ASIC2: variants seen among roughly 807,000 people sequenced by gnomAD.
ASIC2 encodes the protein acid sensing ion channel subunit 2.
In ASIC2, 25 loss-of-function variants were observed where a neutral mutation model predicts 57.3. The ratio of observed to expected loss-of-function variants is 0.44; its 90% confidence interval spans 0.32 to 0.61. The LOEUF (loss-of-function observed/expected upper bound fraction) is 0.61. Ranked by LOEUF, ASIC2 falls within the 20% of genes least tolerant of loss-of-function variation. The pLI, the probability that ASIC2 is intolerant of heterozygous loss-of-function variation, is 0.06. For synonymous variants in ASIC2, 319 were observed against 307.5 expected (o/e 1.04, Z -0.39); for missense variants, 641 against 738.1 (o/e 0.87, Z 1.52).
intron 1 of ASIC2, among the ~76,000 whole-genome samples, chr17:33,393,912 C>T (rs146063463): frequency 2.4e-4 from 36 of 152,340 alleles, no homozygotes; most frequent in African/African-American, 7.2e-4. Flanking sequence ...TCAATTTAAA[C>T]TCCAACACTT....
At chr17:33,096,258 C>T (rs2092178972) in intron 2 of ASIC2, among the ~76,000 whole-genome samples, 1 of 152,186 alleles carries the variant, frequency 6.6e-6, no homozygotes, top group Admixed American at 6.5e-5. Flanking sequence ...AGGACAAGAC[C>T]CAGAGCTGGA....
chr17:33,098,199 T>A (rs1358277706), intron 2 of ASIC2, among the ~76,000 whole-genome samples: 1 of 152,074 alleles, frequency 6.6e-6, no homozygotes, highest in Non-Finnish European at 1.5e-5. Context: ...CTCATTTTAA[T>A]CTCCTGCAAA....
At chr17:33,373,424 T>C (rs573493960) in intron 1 of ASIC2, among the ~76,000 whole-genome samples, 7 of 152,352 alleles carry the variant, frequency 4.6e-5, no homozygotes, top group African/African-American at 1.7e-4. Flanking sequence ...GTTTAACTTA[T>C]AGTTAAACAA....
At chr17:33,652,706 A>G (rs1906956316) in intron 1 of ASIC2, among the ~76,000 whole-genome samples, 1 of 152,194 alleles carries the variant, frequency 6.6e-6, no homozygotes, top group Non-Finnish European at 1.5e-5. Flanking sequence ...CCAAGTTGCA[A>G]TACAGATGGG....
chr17:33,818,979 T>C (rs2141891625), intron 1 of ASIC2, among the ~76,000 whole-genome samples: 1 of 152,360 alleles, frequency 6.6e-6, no homozygotes, highest in Admixed American at 6.5e-5. Flanking sequence ...TGGGGTCTAC[T>C]GGGCTAAGCT....
chr17:33,138,269 T>C (rs559137953), intron 1 of ASIC2, among the ~76,000 whole-genome samples: 16 of 152,216 alleles, frequency 1.1e-4, no homozygotes, highest in African/African-American at 3.9e-4. Context: ...AGCCACTGCT[T>C]CAGGAGTTGT....
intron 1 of ASIC2, among the ~76,000 whole-genome samples, chr17:33,154,290 C>T (rs1181668005): frequency 2.6e-5 from 4 of 152,200 alleles, no homozygotes; most frequent in Non-Finnish European, 5.9e-5. Flanking sequence ...CTCAAGAATC[C>T]TCCTGCCTCA....
chr17:33,113,317 T>A (rs1306225725), intron 1 of ASIC2, among the ~76,000 whole-genome samples: 1 of 152,186 alleles, frequency 6.6e-6, no homozygotes, highest in African/African-American at 2.4e-5. Flanking sequence ...TCAAATGAGG[T>A]AATGCATGCA....
At chr17:33,384,796 T>G (rs182176223) in intron 1 of ASIC2, among the ~76,000 whole-genome samples, 27 of 152,332 alleles carry the variant, frequency 1.8e-4, no homozygotes, top group Admixed American at 3.9e-4. Flanking sequence ...CCCTAGAACA[T>G]GAGCCCAAGT....
chr17:33,136,978 G>A (rs972994295), intron 1 of ASIC2, among the ~76,000 whole-genome samples: 1 of 152,208 alleles, frequency 6.6e-6, no homozygotes, highest in African/African-American at 2.4e-5. Flanking sequence ...TAAAGAAAGT[G>A]TAATAATCCT....
At chr17:33,531,937 G>A (rs1052081148) in intron 1 of ASIC2, among the ~76,000 whole-genome samples, 5 of 152,200 alleles carry the variant, frequency 3.3e-5, no homozygotes, top group African/African-American at 1.2e-4. Flanking sequence ...ACATGGAAAG[G>A]GAAAAGGTAT....
At chr17:34,027,561 A>G (rs1456723312) in intron 1 of ASIC2, among the ~76,000 whole-genome samples, 1 of 152,250 alleles carries the variant, frequency 6.6e-6, no homozygotes, top group Non-Finnish European at 1.5e-5. Context: ...CCTAAGAAGT[A>G]GTTGCATACT....
In ASIC2 at chr17:33,777,538, T is replaced by C. The variant is rs374483046; in HGVS notation, c.555+378440A>G. On this transcript the variant is annotated intron_variant, in intron 1 of 9. Coordinates refer to the ASIC2 transcript ENST00000359872. The stretch of plus-strand genomic sequence containing the variant: ...CCACCAACCCACCATGACACATCTG[T>C]TTGAACAACTGGGCTGCAGACTGAG... 1.3e-4 allele frequency among the ~76,000 whole-genome samples: 20 copies of C among 151,554 alleles called. 1 individual carries two copies. The East Asian group carries it at 3.5e-3, about 27-fold the overall frequency.
intron 1 of ASIC2, among the ~76,000 whole-genome samples, chr17:33,848,687 T>C (rs1051930098): frequency 6.6e-6 from 1 of 152,204 alleles, no homozygotes; most frequent in Non-Finnish European, 1.5e-5. Flanking sequence ...CAAGGCATTC[T>C]AGGCAGTAGC....
intron 1 of ASIC2, among the ~76,000 whole-genome samples, chr17:33,715,945 A>C (rs978171799): frequency 6.6e-6 from 1 of 152,136 alleles, no homozygotes; most frequent in Non-Finnish European, 1.5e-5. Context: ...TCCTCTAATC[A>C]CACCGCCAAC....
At chr17:33,217,617 CT>C in intron 1 of ASIC2, among the ~76,000 whole-genome samples, 1 of 152,276 alleles carries the variant, frequency 6.6e-6, no homozygotes, top group South Asian at 2.1e-4. Flanking sequence ...AAGAAAGGAA[CT>C]GACAGCTTGG....
chr17:33,594,785 A>G (rs1042715528), intron 1 of ASIC2, among the ~76,000 whole-genome samples: 1 of 150,318 alleles, frequency 6.7e-6, no homozygotes, highest in African/African-American at 2.5e-5. Context: ...CCTAGATCGC[A>G]CCACTGCACT....
chr17:33,879,309 T>A (rs1250277003), intron 1 of ASIC2, among the ~76,000 whole-genome samples: 1 of 152,162 alleles, frequency 6.6e-6, no homozygotes, highest in Non-Finnish European at 1.5e-5. Flanking sequence ...AGACACAGAC[T>A]GGCAAATTGG....
intron 1 of ASIC2, chr17:33,580,376 G>A (rs1904393057): frequency 1.3e-5 from 2 of 152,238 alleles, no homozygotes; most frequent in African/African-American, 4.8e-5. Context: ...TATGCAAAGA[G>A]GGAGCGGAAG....
Sources: allele counts gnomAD v4.1 joint callset (sites outside exome capture counted in the v4.1 genomes callset), GRCh38; gene constraint gnomAD v4.1.1; transcripts MANE v1.5; gene names NCBI Gene and HGNC (gene_info 2026-07-23, HGNC 2026-07-21).